The following PCCA variants were observed in gnomAD, a reference collection of about 807,000 sequenced individuals.
The protein encoded by PCCA is propionyl-CoA carboxylase subunit alpha, also known as propionyl-CoA carboxylase alpha chain, mitochondrial.
PCCA carries 74 observed loss-of-function variants against 101.3 expected under a neutral mutation model. The observed-to-expected ratio is 0.73, with a 90% CI of 0.61 to 0.89. PCCA has a LOEUF of 0.89. PCCA is among the 40% of genes least tolerant of loss of function. The pLI, the probability that PCCA is intolerant of heterozygous loss-of-function variation, is 0.00. For missense variants in PCCA, 891 were observed against 907.0 expected (o/e 0.98, Z 0.23); for synonymous variants, 294 against 313.6 (o/e 0.94, Z 0.66).
intron 19 of PCCA, among the ~76,000 whole-genome samples, chr13:100,407,250 A>G (rs2077741750): frequency 6.6e-6 from 1 of 152,200 alleles, no homozygotes; most frequent in African/African-American, 2.4e-5. Flanking sequence ...TCCCATGTAA[A>G]CTAAACATGT....
At chr13:100,265,427 A>AT (rs2062860056) in intron 10 of PCCA, among the ~76,000 whole-genome samples, 9 of 152,188 alleles carry the variant, frequency 5.9e-5, no homozygotes, top group Admixed American at 2.0e-4. Context: ...TTTTGCTTTT[A>AT]TAATAAATCT....
intron 12 of PCCA, among the ~76,000 whole-genome samples, chr13:100,275,258 A>C (rs538832743): frequency 3.3e-5 from 5 of 151,458 alleles, no homozygotes; most frequent in Non-Finnish European, 7.4e-5. Context: ...CCAGAGGGAG[A>C]CTCCTGTGGG....
At chr13:100,221,190 AG>A (rs1375385071) in intron 7 of PCCA, among the ~76,000 whole-genome samples, 1 of 152,222 alleles carries the variant, frequency 6.6e-6, no homozygotes, top group African/African-American at 2.4e-5. Context: ...GTAATATGGG[AG>A]GTTTCTTCCA....
At chr13:100,387,932 A>G (rs1371029390) in intron 19 of PCCA, among the ~76,000 whole-genome samples, 1 of 152,220 alleles carries the variant, frequency 6.6e-6, no homozygotes, top group East Asian at 1.9e-4. Flanking sequence ...TTGGCAATGA[A>G]AAACACTGAA....
chr13:100,189,787 G>A (rs901377076), intron 6 of PCCA, among the ~76,000 whole-genome samples: 17 of 152,168 alleles, frequency 1.1e-4, no homozygotes, highest in Non-Finnish European at 2.2e-4. Flanking sequence ...TGGGATTACA[G>A]GCATGAGGCA....
chr13:100,168,993 G>T (rs1352576935), intron 6 of PCCA, among the ~76,000 whole-genome samples: 1 of 152,150 alleles, frequency 6.6e-6, no homozygotes, highest in African/African-American at 2.4e-5. Flanking sequence ...TGAAAGACCA[G>T]TGTTTTACAG....
intron 8 of PCCA, among the ~76,000 whole-genome samples, chr13:100,240,848 T>A (rs2061083722): frequency 6.6e-6 from 1 of 152,204 alleles, no homozygotes; most frequent in Non-Finnish European, 1.5e-5. Flanking sequence ...AGTATTTGTA[T>A]ACAGTTTTGT....
At chr13:100,508,152 G>A (rs1171341934) in intron 21 of PCCA, among the ~76,000 whole-genome samples, 1 of 152,072 alleles carries the variant, frequency 6.6e-6, no homozygotes, top group Non-Finnish European at 1.5e-5. Flanking sequence ...AAGCAAGCCC[G>A]AGATACACAC....
intron 16 of PCCA, among the ~76,000 whole-genome samples, chr13:100,322,836 A>G (rs1025483550): frequency 9.2e-5 from 14 of 152,144 alleles, no homozygotes; most frequent in African/African-American, 3.4e-4. Context: ...TGACTTCCCA[A>G]AGTGCTGGAA....
At chr13:100,311,061 C>CTACTAAAAATACAAAAATTTT (rs1342540618) in intron 16 of PCCA, among the ~76,000 whole-genome samples, 12 of 151,854 alleles carry the variant, frequency 7.9e-5, no homozygotes, top group Non-Finnish European at 1.0e-4. Context: ...TGGTGAAACC[C>CTACTAAAAATACAAAAATTTT]AGTCTCTACT....
chr13:100,097,667 C>G (rs928855598), intron 1 of PCCA, among the ~76,000 whole-genome samples: 2 of 152,022 alleles, frequency 1.3e-5, no homozygotes, highest in Non-Finnish European at 2.9e-5. Context: ...TGCAGTGAGC[C>G]AAGATGGCAC....
chr13:100,371,534 T>C (rs2075573149), intron 19 of PCCA, among the ~76,000 whole-genome samples: 1 of 152,134 alleles, frequency 6.6e-6, no homozygotes, highest in Non-Finnish European at 1.5e-5. Flanking sequence ...CCCAGGAGTT[T>C]GTGCCCAGCC....
intron 4 of PCCA, among the ~76,000 whole-genome samples, chr13:100,145,087 T>A (rs1418413283): frequency 6.6e-6 from 1 of 152,214 alleles, no homozygotes; most frequent in Non-Finnish European, 1.5e-5. Context: ...CTGAGGTGGA[T>A]CTCTGTATAT....
In PCCA at chr13:100,527,557, G is replaced by A. The variant is rs1261629047; in HGVS notation, c.2041-118G>A. The A allele has an allele frequency of 1.5e-5, 11 of 741,494 alleles. No homozygotes were observed. In the East Asian group the frequency reaches 2.5e-4, roughly 17 times the overall value. 45.9% of individuals were successfully genotyped at this position (741,494 alleles called of 1,614,324 possible). On this transcript the variant is annotated intron_variant, in intron 22 of 23. Coordinates refer to ENST00000376285, the MANE Select transcript of PCCA (RefSeq NM_000282.4). ...ATAGGAAACATTAGAGATTGTTGCT[G>A]CTGTTCATAGACACATATTTTGGGG...
chr13:100,238,557 G>A (rs2060943474), intron 8 of PCCA, among the ~76,000 whole-genome samples: 1 of 151,948 alleles, frequency 6.6e-6, no homozygotes, highest in Admixed American at 6.6e-5. Flanking sequence ...CTGGTGTTTT[G>A]CTTATACTGA....
intron 23 of PCCA, among the ~76,000 whole-genome samples, chr13:100,529,896 T>C (rs1315864402): frequency 6.6e-6 from 1 of 151,826 alleles, no homozygotes; most frequent in Admixed American, 6.6e-5. Flanking sequence ...AGGGGAGGAG[T>C]GAGCCACGGC....
At chr13:100,400,823 A>G (rs1448643345) in intron 19 of PCCA, among the ~76,000 whole-genome samples, 1 of 151,680 alleles carries the variant, frequency 6.6e-6, no homozygotes, top group Admixed American at 6.6e-5. Context: ...ACGGGGTTTC[A>G]CCATGTTGGC....
rs1313662737 is a variant in PCCA, at chr13:100,122,603, T to C, written c.300+10542T>C. Among the ~76,000 whole-genome samples, 7 of 152,300 alleles carry C rather than the reference T, an allele frequency of 4.6e-5. No homozygotes were observed. The East Asian group carries it at 1.2e-3, about 25-fold the overall frequency. ...CCATTTCATCAAAGTTTCTAGCTTA[T>C]TGGTATAGTATTTTCTTATTTTTAT... On this transcript the variant is annotated intron_variant, in intron 4 of 23. Coordinates refer to ENST00000376285, the MANE Select transcript of PCCA (RefSeq NM_000282.4).
chr13:100,443,449 CAA>C (rs772576793), intron 20 of PCCA, among the ~76,000 whole-genome samples: 2 of 124,666 alleles, frequency 1.6e-5, no homozygotes, highest in East Asian at 2.3e-4. Context: ...GAGACACTGT[CAA>C]AAAAAAAAAA....
Sources: allele counts gnomAD v4.1 joint callset (sites outside exome capture counted in the v4.1 genomes callset), GRCh38; gene constraint gnomAD v4.1.1; transcripts MANE v1.5; gene names NCBI Gene and HGNC (gene_info 2026-07-23, HGNC 2026-07-21).